CNTNAP5: variants seen among roughly 807,000 people sequenced by gnomAD.
CNTNAP5 encodes the protein contactin-associated protein-like 5.
Under a neutral mutation model 150.2 loss-of-function variants are expected in CNTNAP5, and 72 were observed. The observed-to-expected ratio is 0.48, with a 90% CI of 0.40 to 0.58. CNTNAP5 has a LOEUF of 0.58. Ranked by LOEUF, CNTNAP5 falls within the 20% of genes least tolerant of loss-of-function variation. CNTNAP5 has a pLI of 0.00. For missense variants in CNTNAP5, 1,636 were observed against 1,626.2 expected, an observed-to-expected ratio of 1.01 and a Z score of -0.10; for synonymous variants, 672 against 619.8, an observed-to-expected ratio of 1.08 and a Z score of -1.25.
intron 18 of CNTNAP5, among the ~76,000 whole-genome samples, chr2:124,794,434 G>A (rs1258582412): frequency 1.3e-5 from 2 of 152,286 alleles, no homozygotes; most frequent in Non-Finnish European, 2.9e-5. Flanking sequence ...ACTAAATGCT[G>A]ACTCTTCTTA....
intron 1 of CNTNAP5, among the ~76,000 whole-genome samples, chr2:124,156,002 A>C (rs1369254056): frequency 6.6e-6 from 1 of 152,224 alleles, no homozygotes; most frequent in African/African-American, 2.4e-5. Flanking sequence ...CACCTCGTAT[A>C]AAACAGAAGC....
chr2:124,214,855 C>A (rs1334876414), intron 1 of CNTNAP5, among the ~76,000 whole-genome samples: 1 of 152,148 alleles, frequency 6.6e-6, no homozygotes, highest in Non-Finnish European at 1.5e-5. Context: ...AAAGCAAGTT[C>A]TGCATCAATC....
Position 124,921,184 on chromosome 2 carries a change from A to C in CNTNAP5, c.*6896A>C, listed in dbSNP as rs1384105973. ...ACTGTAAATAATGTATATTTAATAAAGAGAACATTTTGTATGATTTTGTGT... is the reference window on the plus strand; with the variant it reads ...ACTGTAAATAATGTATATTTAATAACGAGAACATTTTGTATGATTTTGTGT... On this transcript the variant is annotated 3_prime_UTR_variant, in exon 24 of 24. Transcript: ENST00000682447. Among the ~76,000 whole-genome samples, 1 of 152,162 alleles carries C rather than the reference A, an allele frequency of 6.6e-6. No homozygotes were observed. Among genetic ancestry groups the C allele is most frequent in the Non-Finnish European group, 1.5e-5 (1 of 68,018 alleles).
chr2:124,567,210 C>T (rs1041388388), intron 11 of CNTNAP5, among the ~76,000 whole-genome samples: 4 of 151,980 alleles, frequency 2.6e-5, no homozygotes, highest in South Asian at 4.2e-4. Flanking sequence ...CTGGGTGAGG[C>T]GGGCACAATG....
chr2:124,725,331 T>C (rs1251582400), intron 13 of CNTNAP5, among the ~76,000 whole-genome samples: 1 of 152,154 alleles, frequency 6.6e-6, no homozygotes, highest in Non-Finnish European at 1.5e-5. Context: ...AAAAATTGTA[T>C]ATATATGGTA....
intron 12 of CNTNAP5, among the ~76,000 whole-genome samples, chr2:124,632,961 T>C (rs1490514275): frequency 2.0e-5 from 3 of 151,996 alleles, no homozygotes; most frequent in South Asian, 2.1e-4. Context: ...TCATGAGAAC[T>C]CTATCATGAG....
chr2:124,105,536 T>C lies in CNTNAP5; in HGVS notation c.82+79804T>C, dbSNP rs1237973136. The stretch of plus-strand genomic sequence containing the variant: ...ATTTTTCTGACCTACTCAAGTCCAA[T>C]TAATAAAAAACAATATCTTGGACTA... On this transcript the variant is annotated intron_variant, in intron 1 of 23. Coordinates refer to ENST00000682447, the MANE Select transcript of CNTNAP5 (RefSeq NM_001367498.1). 2.0e-5 allele frequency among the ~76,000 whole-genome samples: 3 copies of C among 152,222 alleles called. No individual in the cohort carries two copies. In the East Asian group the frequency reaches 5.8e-4, roughly 29 times the overall value.
chr2:124,894,469 G>A lies in CNTNAP5; in HGVS notation c.3437-8413G>A, dbSNP rs528415912. ...CAAGTAAATAATGAACAACCTAGGAGGAATTATTTTTGTTTCTTTCAGTCC... is the reference window on the plus strand; with the variant it reads ...CAAGTAAATAATGAACAACCTAGGAAGAATTATTTTTGTTTCTTTCAGTCC... On this transcript the variant is annotated intron_variant, in intron 21 of 23. Coordinates refer to ENST00000682447, the MANE Select transcript of CNTNAP5 (RefSeq NM_001367498.1). Among the ~76,000 whole-genome samples the A allele has an allele frequency of 1.1e-3, 170 of 151,314 alleles. 11 individuals carry two copies. The highest frequency in any genetic ancestry group is 4.0e-3 in the African/African-American group (162 of 40,856).
At chr2:124,876,196 T>C (rs754386863) in intron 21 of CNTNAP5, among the ~76,000 whole-genome samples, 25 of 152,086 alleles carry the variant, frequency 1.6e-4, no homozygotes, top group Non-Finnish European at 3.4e-4. Flanking sequence ...TGTTAAGTCA[T>C]GGGATTGAGT....
chr2:124,337,151 C>T (rs1047145493), intron 3 of CNTNAP5, among the ~76,000 whole-genome samples: 1 of 152,142 alleles, frequency 6.6e-6, no homozygotes, highest in African/African-American at 2.4e-5. Context: ...TTTCATGTGT[C>T]TTTTGGCTGC....
At chr2:124,870,212 T>C (rs971589074) in intron 21 of CNTNAP5, among the ~76,000 whole-genome samples, 2 of 151,772 alleles carry the variant, frequency 1.3e-5, no homozygotes, top group African/African-American at 4.8e-5. Flanking sequence ...GATGACAGTA[T>C]TCATTACATG....
At chr2:124,307,695 G>A (rs566598357) in intron 3 of CNTNAP5, among the ~76,000 whole-genome samples, 39 of 152,336 alleles carry the variant, frequency 2.6e-4, no homozygotes, top group African/African-American at 9.4e-4. Flanking sequence ...TGAAGGTGAA[G>A]GAAGGACAAT....
At position 124,348,358 on chromosome 2, in the gene CNTNAP5, G is replaced by A. The variant is rs115038082; in HGVS notation, c.382-69085G>A. 4.7e-3 allele frequency among the ~76,000 whole-genome samples: 714 copies of A among 152,162 alleles called. 12 individuals are homozygous for A. Among genetic ancestry groups the A allele is most frequent in the African/African-American group, 0.016 (668 of 41,516 alleles). Reference sequence around the variant, plus strand: ...CTCTGGCTTAAACCTCCAGTATAATGTTGAATAAAAGTGACAACCGAGGGC... The same window carrying A: ...CTCTGGCTTAAACCTCCAGTATAATATTGAATAAAAGTGACAACCGAGGGC... On this transcript the variant is annotated intron_variant, in intron 3 of 23. Transcript: ENST00000682447.
chr2:124,269,770 AG>A (rs1201655484), intron 3 of CNTNAP5, among the ~76,000 whole-genome samples: 1 of 152,136 alleles, frequency 6.6e-6, no homozygotes. Flanking sequence ...GATGGAGCAA[AG>A]AAGTAAAAAA....
chr2:124,897,878 A>C (rs1678337691), intron 21 of CNTNAP5, among the ~76,000 whole-genome samples: 2 of 151,296 alleles, frequency 1.3e-5, no homozygotes, highest in Admixed American at 1.3e-4. Context: ...AAAAATATTT[A>C]CATAGGACAT....
chr2:124,359,212 T>C (rs1490504652), intron 3 of CNTNAP5, among the ~76,000 whole-genome samples: 3 of 152,042 alleles, frequency 2.0e-5, no homozygotes, highest in South Asian at 2.1e-4. Context: ...TTTATTAGTC[T>C]TGCTAGCGGT....
intron 10 of CNTNAP5, among the ~76,000 whole-genome samples, chr2:124,528,568 T>A (rs1317662504): frequency 6.6e-6 from 1 of 152,226 alleles, no homozygotes; most frequent in African/African-American, 2.4e-5. Flanking sequence ...TTTTTCATAG[T>A]GGCATATAAA....
intron 4 of CNTNAP5, among the ~76,000 whole-genome samples, chr2:124,426,888 G>A (rs536860355): frequency 3.9e-5 from 6 of 152,322 alleles, no homozygotes; most frequent in Admixed American, 1.3e-4. Context: ...GGGAGCGCAT[G>A]CTGGCTCTGT....
chr2:124,214,027 T>C (rs527695938), intron 1 of CNTNAP5, among the ~76,000 whole-genome samples: 35 of 152,186 alleles, frequency 2.3e-4, no homozygotes, highest in Non-Finnish European at 4.6e-4. Context: ...CACTTTGACC[T>C]TGGTTCAAAG....
Sources: gnomAD v4.1 joint callset for allele counts (sites outside exome capture counted in the v4.1 genomes callset) on GRCh38, gnomAD v4.1.1 for gene constraint, MANE v1.5 for transcripts, NCBI Gene and HGNC (gene_info 2026-07-23, HGNC 2026-07-21) for gene names.